The following KCNA6 variants were observed in gnomAD, a reference collection of about 807,000 sequenced individuals.
The protein encoded by KCNA6 is human brain potassium channel-2.
KCNA6 carries 17 observed loss-of-function variants against 29.5 expected under a neutral mutation model. The observed-to-expected ratio is 0.58, with a 90% CI of 0.39 to 0.86. The LOEUF (loss-of-function observed/expected upper bound fraction) is 0.86, where lower values mean the gene tolerates loss of function less well. KCNA6 is among the 40% of genes least tolerant of loss of function. The probability of loss-of-function intolerance (pLI) is 0.00; values close to 1 mark genes in which losing one functional copy is unlikely to be tolerated. For synonymous variants in KCNA6, 296 were observed against 304.7 expected, an observed-to-expected ratio of 0.97 and a Z score of 0.30; for missense variants, 450 against 703.4, an observed-to-expected ratio of 0.64 and a Z score of 4.07.
At chr12:4,813,101 A>G (rs1946647944) in exon 1 of KCNA6, 1 of 166,482 alleles carries the variant, frequency 6.0e-6, no homozygotes, top group Admixed American at 6.6e-5. Flanking sequence ...TTTTATATCT[A>G]TGCTTTCAGA....
chr12:4,828,742 G>T, the KCNA6 span, among the ~76,000 whole-genome samples: 1 of 152,216 alleles, frequency 6.6e-6, no homozygotes. Context: ...AGTAAGTGGG[G>T]TGGTAGGATT....
At chr12:4,840,190 G>C in the KCNA6 span, among the ~76,000 whole-genome samples, 1 of 51,262 alleles carries the variant, frequency 2.0e-5, no homozygotes, top group Non-Finnish European at 4.4e-5. Context: ...CATTGATGAT[G>C]ATTATTATCT....
downstream of KCNA6, among the ~76,000 whole-genome samples, chr12:4,816,507 C>A (rs150706492): frequency 1.1e-4 from 16 of 151,832 alleles, no homozygotes; most frequent in African/African-American, 3.4e-4. Flanking sequence ...ACTTTGCTGG[C>A]AAAAAGAAAA....
chr12:4,842,187 A>C, the KCNA6 span, among the ~76,000 whole-genome samples: 2 of 152,274 alleles, frequency 1.3e-5, no homozygotes, highest in Admixed American at 6.5e-5. Context: ...CAAATTAGGG[A>C]CATTTAACTC....
chr12:4,833,098 A>G, the KCNA6 span, among the ~76,000 whole-genome samples: 1 of 152,154 alleles, frequency 6.6e-6, no homozygotes, highest in East Asian at 1.9e-4. Context: ...ATCTCATATG[A>G]AATGGAGTCT....
chr12:4,844,750 T>C, the KCNA6 span, among the ~76,000 whole-genome samples: 104,829 of 152,054 alleles, frequency 0.69, 36,936 homozygotes, highest in African/African-American at 0.76. The surrounding 1 kb of genome is among the most constrained non-coding windows in gnomAD (Gnocchi z 4.0). Context: ...ACCACTTTCT[T>C]TGCCTCCCCC....
the KCNA6 span, among the ~76,000 whole-genome samples, chr12:4,847,081 G>C: frequency 6.6e-6 from 1 of 151,948 alleles, no homozygotes; most frequent in Non-Finnish European, 1.5e-5. Context: ...ACCACGCCCA[G>C]CCGGAACACC....
At chr12:4,817,612 A>G (rs1410364223), downstream of KCNA6, among the ~76,000 whole-genome samples, 1 of 152,184 alleles carries the variant, frequency 6.6e-6, no homozygotes, top group African/African-American at 2.4e-5. Flanking sequence ...GTGCACATTA[A>G]CAATAGGAGA....
the KCNA6 span, chr12:4,842,687 A>G: frequency 6.6e-6 from 1 of 152,210 alleles, no homozygotes; most frequent in Non-Finnish European, 1.5e-5. Flanking sequence ...ACTCACTATC[A>G]TGAGAACAGC....
At chr12:4,822,829 C>T in the KCNA6 span, among the ~76,000 whole-genome samples, 817 of 152,282 alleles carry the variant, frequency 5.4e-3, 5 homozygotes, top group African/African-American at 0.018. Flanking sequence ...GTTGCTTCTG[C>T]GATGTCATGA....
rs757023948 is a variant in KCNA6 at position 4,811,665 on chromosome 12, T to G, written c.*34T>G. Reference sequence around the variant, plus strand: ...GGCAGGGCCTGCAGGAGGGGAGCACTGAGCTAACAGTCTCTTAGGCTTCCT... The same window carrying G: ...GGCAGGGCCTGCAGGAGGGGAGCACGGAGCTAACAGTCTCTTAGGCTTCCT... On this transcript the variant is annotated 3_prime_UTR_variant, in exon 1 of 1. Transcript: ENST00000280684. The surrounding 1 kb of genome is among the most constrained non-coding windows in gnomAD (Gnocchi z 7.1). 2.5e-6 allele frequency: 4 copies of G among 1,589,776 alleles called. No homozygotes were observed. Among genetic ancestry groups the G allele is most frequent in the East Asian group, 4.5e-5 (2 of 44,700 alleles).
the KCNA6 span, among the ~76,000 whole-genome samples, chr12:4,825,665 T>C: frequency 6.6e-6 from 1 of 152,246 alleles, no homozygotes; most frequent in Non-Finnish European, 1.5e-5. Context: ...GGAAGTGGTT[T>C]TGATAAGGCA....
At chr12:4,848,698 C>T in the KCNA6 span, among the ~76,000 whole-genome samples, 1 of 151,986 alleles carries the variant, frequency 6.6e-6, no homozygotes, top group Non-Finnish European at 1.5e-5. Context: ...CCACGCCCGG[C>T]TAATTTTGTA....
chr12:4,831,564 C>T, the KCNA6 span, among the ~76,000 whole-genome samples: 6 of 152,158 alleles, frequency 3.9e-5, no homozygotes, highest in Non-Finnish European at 8.8e-5. Context: ...CGGATCCATC[C>T]TCCAGCTCCG....
the KCNA6 span, among the ~76,000 whole-genome samples, chr12:4,835,342 G>A: frequency 6.6e-6 from 1 of 152,042 alleles, no homozygotes; most frequent in Non-Finnish European, 1.5e-5. Context: ...CACCGTGTTA[G>A]CCAGGATGGT....
the KCNA6 span, among the ~76,000 whole-genome samples, chr12:4,824,868 A>G: frequency 3.7e-4 from 57 of 152,238 alleles, no homozygotes; most frequent in African/African-American, 1.3e-3. Context: ...GATGTCTTTA[A>G]TTTGCAAGCC....
At chr12:4,842,732 C>T in the KCNA6 span, 1 of 152,214 alleles carries the variant, frequency 6.6e-6, no homozygotes, top group African/African-American at 2.4e-5. Flanking sequence ...CCAATCACTT[C>T]CCACCAGGTT....
chr12:4,814,746 GGAGC>G (rs1946665790), downstream of KCNA6: 1 of 167,132 alleles, frequency 6.0e-6, no homozygotes, highest in South Asian at 2.1e-4. This position sits in a 1 kb window ranked among gnomAD's most constrained non-coding sequence, Gnocchi z 4.6. Context: ...TCGTCCCCAA[GGAGC>G]GAGGAGGGAC....
the KCNA6 span, among the ~76,000 whole-genome samples, chr12:4,818,895 C>T: frequency 6.6e-6 from 1 of 152,102 alleles, no homozygotes; most frequent in East Asian, 1.9e-4. Context: ...TATATACACA[C>T]ATAAATATAT....
Sources: allele counts gnomAD v4.1 joint callset (sites outside exome capture counted in the v4.1 genomes callset), GRCh38; gene constraint gnomAD v4.1.1; non-coding constraint Gnocchi (gnomAD v3.1); transcripts MANE v1.5; gene names NCBI Gene and HGNC (gene_info 2026-07-23, HGNC 2026-07-21).